GLRA2: variants seen among roughly 807,000 people sequenced by gnomAD.
GLRA2 encodes glycine receptor subunit alpha-2.
GLRA2 carries 11 observed loss-of-function variants against 31.6 expected under a neutral mutation model. The ratio of observed to expected loss-of-function variants is 0.35; its 90% CI spans 0.22 to 0.58. GLRA2 has a LOEUF of 0.58. Ranked by LOEUF, GLRA2 falls within the 20% of genes least tolerant of loss-of-function variation. The pLI, the probability that GLRA2 is intolerant of heterozygous loss-of-function variation, is 0.84. For synonymous variants in GLRA2, 132 were observed against 134.0 expected, an observed-to-expected ratio of 0.99 and a Z score of 0.10; for missense variants, 212 against 351.8, an observed-to-expected ratio of 0.60 and a Z score of 3.18.
At chrX:14,528,758 T>C (rs2089214198), upstream of GLRA2, among the ~76,000 whole-genome samples, 1 of 111,722 alleles carries the variant, frequency 9.0e-6, no homozygotes, top group Non-Finnish European at 1.9e-5. Flanking sequence ...TTTTCCTTGC[T>C]CCATTTCTAA....
At position 14,625,446 on chromosome X, in the gene GLRA2, T is replaced by C. The variant is rs180747274; in HGVS notation, c.930+16241T>C. 8.5e-3 allele frequency among the ~76,000 whole-genome samples: 952 copies of C among 111,854 alleles called. 22 individuals are homozygous for C. Among genetic ancestry groups the C allele is most frequent in the Admixed American group, 0.084 (882 of 10,460 alleles). On this transcript the variant is annotated intron_variant, in intron 7 of 8. Coordinates refer to ENST00000218075, the MANE Select transcript of GLRA2 (RefSeq NM_002063.4). ...TGATGCAGTTTCTTCCTAGCATCGA[T>C]GGTCTTTATAATTTGGCGTGTTTTT...
intron 7 of GLRA2, among the ~76,000 whole-genome samples, chrX:14,685,029 T>C (rs1486072491): frequency 1.7e-4 from 19 of 111,061 alleles, no homozygotes; most frequent in Non-Finnish European, 2.8e-4. Flanking sequence ...GCATGAAGGG[T>C]TGTTGAATTT....
the GLRA2 span, among the ~76,000 whole-genome samples, chrX:14,502,343 C>T: frequency 1.8e-5 from 2 of 112,250 alleles, no homozygotes; most frequent in Non-Finnish European, 3.8e-5. Context: ...TAAAGGTTAA[C>T]TATTATTAGC....
chrX:14,460,158 T>C, the GLRA2 span, among the ~76,000 whole-genome samples: 12 of 112,201 alleles, frequency 1.1e-4, no homozygotes, highest in Non-Finnish European at 1.9e-4. Flanking sequence ...TGGTTCTGTT[T>C]ATGTGATGGA....
At chrX:14,645,152 T>C (rs2090816799) in intron 7 of GLRA2, among the ~76,000 whole-genome samples, 1 of 111,775 alleles carries the variant, frequency 8.9e-6, no homozygotes, top group South Asian at 3.7e-4. Context: ...CATAGGTAGG[T>C]AAAGATGAAC....
intron 2 of GLRA2, among the ~76,000 whole-genome samples, chrX:14,544,872 A>G (rs1052596279): frequency 4.5e-5 from 5 of 111,605 alleles, no homozygotes; most frequent in African/African-American, 1.6e-4. Context: ...CAAGTAAGCA[A>G]GCATGATTTT....
chrX:14,461,825 A>C, the GLRA2 span, among the ~76,000 whole-genome samples: 34 of 112,303 alleles, frequency 3.0e-4, no homozygotes, highest in Admixed American at 6.6e-4. Context: ...GTGTCTTTGA[A>C]TTGGAGCATT....
At chrX:14,640,871 CAA>C (rs1491156005) in intron 7 of GLRA2, among the ~76,000 whole-genome samples, 3 of 110,484 alleles carry the variant, frequency 2.7e-5, no homozygotes, top group Non-Finnish European at 5.7e-5. Flanking sequence ...TTTATCTTGA[CAA>C]TATATATATA....
At chrX:14,675,559 C>G (rs2091136595) in intron 7 of GLRA2, among the ~76,000 whole-genome samples, 1 of 111,430 alleles carries the variant, frequency 9.0e-6, no homozygotes, top group Non-Finnish European at 1.9e-5. Context: ...ATAAGTAACT[C>G]TTTACTCAAC....
At chrX:14,598,753 T>A (rs2090235847) in intron 4 of GLRA2, among the ~76,000 whole-genome samples, 1 of 112,340 alleles carries the variant, frequency 8.9e-6, no homozygotes, top group South Asian at 3.7e-4. Flanking sequence ...TTTAGGATAC[T>A]GATTCATTAA....
chrX:14,470,419 A>G, the GLRA2 span, among the ~76,000 whole-genome samples: 1 of 111,932 alleles, frequency 8.9e-6, no homozygotes, highest in Middle Eastern at 4.6e-3. Flanking sequence ...AGCATAATTT[A>G]TGATGATTAT....
At chrX:14,661,346 TA>T (rs758544104) in intron 7 of GLRA2, among the ~76,000 whole-genome samples, 4 of 112,071 alleles carry the variant, frequency 3.6e-5, no homozygotes, top group Non-Finnish European at 5.6e-5. Flanking sequence ...TAGGAAGAGA[TA>T]ATACATATAT....
the GLRA2 span, among the ~76,000 whole-genome samples, chrX:14,465,091 G>A: frequency 9.0e-6 from 1 of 111,081 alleles, no homozygotes; most frequent in Non-Finnish European, 1.9e-5. Flanking sequence ...GATTGCTTTG[G>A]GCAGTATGGT....
At chrX:14,591,205 C>T (rs1308509293) in intron 4 of GLRA2, among the ~76,000 whole-genome samples, 1 of 111,720 alleles carries the variant, frequency 9.0e-6, no homozygotes, top group African/African-American at 3.3e-5. Context: ...CTACAAGTTA[C>T]ATATTACATA....
chrX:14,564,189 G>C (rs952857581), intron 2 of GLRA2, among the ~76,000 whole-genome samples: 4 of 111,030 alleles, frequency 3.6e-5, no homozygotes. Flanking sequence ...CAAAAACAAT[G>C]AGGACACTGT....
the GLRA2 span, among the ~76,000 whole-genome samples, chrX:14,452,481 A>G: frequency 8.9e-6 from 1 of 112,776 alleles, no homozygotes; most frequent in Non-Finnish European, 1.9e-5. Context: ...AATGAAATTC[A>G]AGAAGCTAGC....
At chrX:14,611,901 G>C (rs1254572965) in intron 7 of GLRA2, among the ~76,000 whole-genome samples, 2 of 112,136 alleles carry the variant, frequency 1.8e-5, no homozygotes, top group African/African-American at 3.2e-5. Flanking sequence ...GTCATTAACA[G>C]TAATGGCAAA....
At chrX:14,513,007 C>T in the GLRA2 span, among the ~76,000 whole-genome samples, 1 of 111,865 alleles carries the variant, frequency 8.9e-6, no homozygotes, top group Non-Finnish European at 1.9e-5. Flanking sequence ...CATTATGTGA[C>T]TTCAAACTAT....
At chrX:14,677,642 T>A (rs2091158265) in intron 7 of GLRA2, among the ~76,000 whole-genome samples, 6 of 111,994 alleles carry the variant, frequency 5.4e-5, no homozygotes, top group Admixed American at 2.8e-4. Context: ...TTCCACCTTA[T>A]AACACTATTA....
Sources: allele counts gnomAD v4.1 joint callset (sites outside exome capture counted in the v4.1 genomes callset), GRCh38; gene constraint gnomAD v4.1.1; transcripts MANE v1.5; gene names NCBI Gene and HGNC (gene_info 2026-07-23, HGNC 2026-07-21).